Variants in RSRC1 observed in about 807,000 individuals in gnomAD.
The protein encoded by RSRC1 is serine/Arginine-related protein 53.
A neutral mutation model predicts 49.1 loss-of-function variants in RSRC1; 39 were observed. The ratio of observed to expected loss-of-function variants is 0.79; its 90% CI spans 0.61 to 1.04. RSRC1 has a LOEUF of 1.04. Among genes scored for constraint, RSRC1 ranks in the 50% least tolerant of loss-of-function variants. The probability of loss-of-function intolerance (pLI) is 0.00; values close to 1 mark genes in which losing one functional copy is unlikely to be tolerated. For missense variants in RSRC1, 388 were observed against 402.4 expected (o/e 0.96, Z 0.31); for synonymous variants, 143 against 130.8 (o/e 1.09, Z -0.63).
intron 6 of RSRC1, among the ~76,000 whole-genome samples, chr3:158,405,555 A>G (rs1281159123): frequency 6.6e-6 from 1 of 152,088 alleles, no homozygotes; most frequent in East Asian, 1.9e-4. Context: ...CTTTCTTTTA[A>G]AGAGATTTTC....
At chr3:158,263,016 C>G (rs557753364) in intron 4 of RSRC1, among the ~76,000 whole-genome samples, 3 of 152,072 alleles carry the variant, frequency 2.0e-5, no homozygotes, top group African/African-American at 7.2e-5. Context: ...AGTCTTGATG[C>G]CTTTTGTTTT....
intron 3 of RSRC1, among the ~76,000 whole-genome samples, chr3:158,150,669 A>G (rs563212791): frequency 6.6e-6 from 1 of 152,266 alleles, no homozygotes; most frequent in African/African-American, 2.4e-5. Flanking sequence ...TTAGCTTGGT[A>G]GTTGGAGTGG....
At chr3:158,299,612 A>G (rs896382601) in intron 5 of RSRC1, among the ~76,000 whole-genome samples, 11 of 152,276 alleles carry the variant, frequency 7.2e-5, no homozygotes, top group Non-Finnish European at 1.3e-4. Flanking sequence ...CTGGAATTAC[A>G]GGCGTGAGCC....
chr3:158,371,744 A>C (rs567580822), intron 6 of RSRC1, among the ~76,000 whole-genome samples: 6 of 152,102 alleles, frequency 3.9e-5, no homozygotes, highest in African/African-American at 1.2e-4. Context: ...GATTGCTGGC[A>C]TAATAACTTT....
intron 4 of RSRC1, among the ~76,000 whole-genome samples, chr3:158,210,544 A>C (rs1389284129): frequency 6.6e-6 from 1 of 151,772 alleles, no homozygotes; most frequent in Non-Finnish European, 1.5e-5. Flanking sequence ...CTTTATATAC[A>C]TGTGTGCACT....
chr3:158,276,493 T>A, intron 4 of RSRC1: 1 of 578,666 alleles, frequency 1.7e-6, no homozygotes, highest in South Asian at 2.2e-5. Context: ...TAATTAACAT[T>A]TGTCTTTTTT....
At chr3:158,267,858 C>CTTTT (rs377128391) in intron 4 of RSRC1, among the ~76,000 whole-genome samples, 26,356 of 83,098 alleles carry the variant, frequency 0.32, 2,918 homozygotes, top group East Asian at 0.49. Context: ...GTTTCCATAT[C>CTTTT]TATTTTTTTT....
intron 3 of RSRC1, among the ~76,000 whole-genome samples, chr3:158,124,351 A>G (rs1415802129): frequency 6.6e-6 from 1 of 152,178 alleles, no homozygotes; most frequent in East Asian, 1.9e-4. Context: ...TTTTTGCGTC[A>G]GTATTCATCA....
At chr3:158,147,102 CTTTTTTTTTTT>C (rs35460810) in intron 3 of RSRC1, among the ~76,000 whole-genome samples, 17 of 34,738 alleles carry the variant, frequency 4.9e-4, no homozygotes, top group Admixed American at 4.6e-3. Flanking sequence ...GCTTTTCTGC[CTTTTTTTTTTT>C]TTTTTTTTTT....
intron 4 of RSRC1, among the ~76,000 whole-genome samples, chr3:158,261,950 G>A (rs953803970): frequency 3.3e-5 from 5 of 152,112 alleles, no homozygotes; most frequent in Non-Finnish European, 7.3e-5. Flanking sequence ...TCTTGAAACC[G>A]TATCTTCTGC....
At chr3:158,361,963 C>T (rs189775869) in intron 6 of RSRC1, among the ~76,000 whole-genome samples, 140 of 152,264 alleles carry the variant, frequency 9.2e-4, no homozygotes, top group African/African-American at 3.2e-3. Flanking sequence ...GATGTTGATT[C>T]ATACACTGCT....
rs1732376378 is a variant in RSRC1 at position 158,376,374 on chromosome 3, C to T, written c.583+21466C>T. On this transcript the variant is annotated intron_variant, in intron 6 of 9. Transcript: ENST00000611884. ...ACGGGGTTTCACCATGTTGGTCAGG[C>T]TGGTCTTGAACTCCAGACCTCAGGT... is the stretch of plus-strand genomic sequence containing the variant. Among the ~76,000 whole-genome samples, 3 of 151,932 alleles carry T rather than the reference C, an allele frequency of 2.0e-5. No individual in the cohort carries two copies. The East Asian group carries it at 5.8e-4, about 30-fold the overall frequency.
intron 6 of RSRC1, among the ~76,000 whole-genome samples, chr3:158,382,215 G>A (rs1257995383): frequency 2.6e-5 from 4 of 152,070 alleles, no homozygotes; most frequent in Non-Finnish European, 5.9e-5. Flanking sequence ...ATCTTCAGGG[G>A]CAATAACATC....
At chr3:158,312,080 G>T (rs1349492977) in intron 5 of RSRC1, among the ~76,000 whole-genome samples, 1 of 151,130 alleles carries the variant, frequency 6.6e-6, no homozygotes, top group African/African-American at 2.5e-5. Flanking sequence ...ACATTTCTTG[G>T]TTTTATAGAG....
Position 158,173,743 on chromosome 3 carries a change from G to A in RSRC1, c.321-29329G>A, listed in dbSNP as rs559128332. ...CTGATGAACGAATAAACAAAATGTG[G>A]TATATCTCTACCATGTAATATTATT... On this transcript the variant is annotated intron_variant, in intron 3 of 9. Coordinates refer to ENST00000611884, the MANE Select transcript of RSRC1 (RefSeq NM_001271838.2). Among the ~76,000 whole-genome samples the A allele has an allele frequency of 2.6e-5, 4 of 151,998 alleles. No homozygotes were observed. The South Asian group carries it at 8.3e-4, about 32-fold the overall frequency.
chr3:158,312,309 A>G (rs1309618527), intron 5 of RSRC1, among the ~76,000 whole-genome samples: 1 of 152,070 alleles, frequency 6.6e-6, no homozygotes, highest in Non-Finnish European at 1.5e-5. Context: ...ATAGAAAGTT[A>G]TCAGCCAAGC....
intron 5 of RSRC1, among the ~76,000 whole-genome samples, chr3:158,324,580 G>A (rs1010838348): frequency 6.6e-6 from 1 of 152,122 alleles, no homozygotes; most frequent in African/African-American, 2.4e-5. Flanking sequence ...TCTTATGGCT[G>A]CATAGTATTC....
In RSRC1 at chr3:158,152,360, C is replaced by T. The variant is rs1465363281; in HGVS notation, c.320+28369C>T. ...AAGTTCCATGTCCCAAGAAACTCTT[C>T]AGTCCTGGGCCAAGCAGGATGTTAG... On this transcript the variant is annotated intron_variant, in intron 3 of 9. Coordinates refer to ENST00000611884, the MANE Select transcript of RSRC1 (RefSeq NM_001271838.2). 2.0e-5 allele frequency among the ~76,000 whole-genome samples: 3 copies of T among 152,176 alleles called. No individual in the cohort carries two copies. The East Asian group carries it at 5.8e-4, about 29-fold the overall frequency.
intron 4 of RSRC1, among the ~76,000 whole-genome samples, chr3:158,283,500 C>G (rs1193516528): frequency 6.6e-6 from 1 of 151,802 alleles, no homozygotes; most frequent in Non-Finnish European, 1.5e-5. Flanking sequence ...CATTTTGTAA[C>G]ATGATTTAAA....
Sources: allele counts gnomAD v4.1 joint callset (sites outside exome capture counted in the v4.1 genomes callset), GRCh38; gene constraint gnomAD v4.1.1; transcripts MANE v1.5; gene names NCBI Gene and HGNC (gene_info 2026-07-23, HGNC 2026-07-21).